The following THSD4 variants were observed in gnomAD, a reference collection of about 807,000 sequenced individuals.
The protein encoded by THSD4 is thrombospondin type-1 domain-containing protein 4.
THSD4 carries 69 observed loss-of-function variants against 119.0 expected under a neutral mutation model. The observed-to-expected ratio is 0.58, with a 90% CI of 0.48 to 0.71. THSD4 has a LOEUF of 0.71. THSD4 is among the 30% of genes least tolerant of loss of function. The pLI is 0.00. For missense variants in THSD4, 1,393 were observed against 1,391.1 expected, an observed-to-expected ratio of 1.00 and a Z score of -0.02; for synonymous variants, 524 against 540.4, an observed-to-expected ratio of 0.97 and a Z score of 0.42.
intron 1 of THSD4, among the ~76,000 whole-genome samples, chr15:71,139,236 T>C (rs1272750524): frequency 2.6e-5 from 4 of 152,236 alleles, no homozygotes; most frequent in Admixed American, 2.6e-4. Context: ...TACCCTGTGT[T>C]GTTCTGGATA....
chr15:71,443,694 C>CGT (rs2047141430), intron 7 of THSD4, among the ~76,000 whole-genome samples: 1 of 151,932 alleles, frequency 6.6e-6, no homozygotes, highest in Non-Finnish European at 1.5e-5. Flanking sequence ...AAAATTTCCA[C>CGT]GTTGCGCTTT....
At chr15:71,533,262 G>A (rs4777404) in intron 7 of THSD4, among the ~76,000 whole-genome samples, 118,796 of 152,172 alleles carry the variant, frequency 0.78, 46,620 homozygotes, top group East Asian at 0.95. Flanking sequence ...AGATTTGCAA[G>A]TGGGAGAAAA....
chr15:71,626,066 G>T (rs910281703), intron 7 of THSD4, among the ~76,000 whole-genome samples: 1 of 152,138 alleles, frequency 6.6e-6, no homozygotes, highest in Admixed American at 6.6e-5. Context: ...TACAGTGTTT[G>T]TGAGCTTAAT....
intron 16 of THSD4, 130 bp downstream of exon 16, chr15:71,765,329 G>T (rs1367867293): frequency 8.9e-7 from 1 of 1,125,750 alleles, no homozygotes. Flanking sequence ...TACCTTAGGT[G>T]GTAGCTGCTG....
chr15:71,397,442 A>G (rs1207801407), intron 6 of THSD4, among the ~76,000 whole-genome samples: 1 of 152,200 alleles, frequency 6.6e-6, no homozygotes, highest in Non-Finnish European at 1.5e-5. Context: ...GAGTAAACGA[A>G]TCCATGAATG....
chr15:71,589,166 T>C (rs959344764), intron 7 of THSD4, among the ~76,000 whole-genome samples: 1 of 152,208 alleles, frequency 6.6e-6, no homozygotes, highest in African/African-American at 2.4e-5. Flanking sequence ...TAATGCCTTA[T>C]ACAGTGAATT....
At chr15:71,151,934 G>C (rs558808434) in intron 2 of THSD4, among the ~76,000 whole-genome samples, 23 of 152,310 alleles carry the variant, frequency 1.5e-4, no homozygotes, top group African/African-American at 5.5e-4. Flanking sequence ...GAATAGCACA[G>C]ATCTGTGTAT....
chr15:71,152,695 A>C (rs1244193552), intron 2 of THSD4, among the ~76,000 whole-genome samples: 2 of 152,096 alleles, frequency 1.3e-5, no homozygotes, highest in Admixed American at 6.5e-5. Flanking sequence ...TGTTCCTTGT[A>C]ATCTGGTGCT....
chr15:71,546,489 A>G (rs867909557), intron 7 of THSD4, among the ~76,000 whole-genome samples: 24 of 152,202 alleles, frequency 1.6e-4, no homozygotes, highest in African/African-American at 5.5e-4. Flanking sequence ...TTGATGGTCT[A>G]TGTGAGTCTA....
intron 3 of THSD4, among the ~76,000 whole-genome samples, chr15:71,209,348 G>A (rs2043870674): frequency 6.6e-6 from 1 of 152,078 alleles, no homozygotes. Context: ...TAGACCACAC[G>A]GACACTCTGA....
intron 6 of THSD4, among the ~76,000 whole-genome samples, chr15:71,337,866 A>G (rs752321663): frequency 1.2e-4 from 19 of 152,092 alleles, no homozygotes; most frequent in Non-Finnish European, 8.8e-5. Context: ...CGAAGGTCAA[A>G]TGGGGCTCTC....
rs551240509 is a variant in THSD4, at chr15:71,440,664, A to T, written c.1152+28841A>T. Reference sequence around the variant, plus strand: ...TGATGACTTTTTCTTGAACTGGTTGATCGTGACATCTAGTGTTCAGTACTA... The same window carrying T: ...TGATGACTTTTTCTTGAACTGGTTGTTCGTGACATCTAGTGTTCAGTACTA... On this transcript the variant is annotated intron_variant, in intron 7 of 17. Transcript: ENST00000261862. 7.2e-5 allele frequency among the ~76,000 whole-genome samples: 11 copies of T among 152,300 alleles called. 1 individual carries two copies. Among genetic ancestry groups the T allele is most frequent in the Admixed American group, 7.2e-4 (11 of 15,300 alleles).
At chr15:71,729,043 C>T (rs1476976618) in intron 9 of THSD4, 2 of 356,582 alleles carry the variant, frequency 5.6e-6, no homozygotes, top group African/African-American at 4.1e-5. Flanking sequence ...GGATCTCCTC[C>T]AGGCACTTTC....
chr15:71,277,611 T>A (rs1337652448), intron 6 of THSD4, among the ~76,000 whole-genome samples: 1 of 152,184 alleles, frequency 6.6e-6, no homozygotes, highest in Admixed American at 6.5e-5. Flanking sequence ...ATTGAGTATA[T>A]GTAGGGATAT....
intron 6 of THSD4, among the ~76,000 whole-genome samples, chr15:71,336,068 A>C (rs2045486399): frequency 6.6e-6 from 1 of 152,242 alleles, no homozygotes; most frequent in South Asian, 2.1e-4. Context: ...GCAATCCATT[A>C]GGAAGAGGAA....
intron 7 of THSD4, among the ~76,000 whole-genome samples, chr15:71,541,038 T>A (rs1240538070): frequency 6.6e-6 from 1 of 152,190 alleles, no homozygotes; most frequent in African/African-American, 2.4e-5. Context: ...TTATTTACTT[T>A]TTGAATAGCA....
At chr15:71,211,765 G>A (rs1286768732) in intron 3 of THSD4, among the ~76,000 whole-genome samples, 2 of 152,284 alleles carry the variant, frequency 1.3e-5, no homozygotes, top group African/African-American at 4.8e-5. Flanking sequence ...AGTTTAGGGT[G>A]CATTTTAGAA....
chr15:71,725,096 T>C (rs191599351), intron 8 of THSD4, among the ~76,000 whole-genome samples: 101 of 6,776 alleles, frequency 0.015, 18 homozygotes, highest in Non-Finnish European at 0.032. Flanking sequence ...GAGGCCGGGG[T>C]TGGGTTCAGC....
At chr15:71,241,999 T>C (rs913817488) in intron 4 of THSD4, among the ~76,000 whole-genome samples, 7 of 152,202 alleles carry the variant, frequency 4.6e-5, no homozygotes, top group Non-Finnish European at 8.8e-5. Context: ...AAGATGGCCA[T>C]TTACCCATTG....
Sources: allele counts gnomAD v4.1 joint callset (sites outside exome capture counted in the v4.1 genomes callset), GRCh38; gene constraint gnomAD v4.1.1; transcripts MANE v1.5; gene names NCBI Gene and HGNC (gene_info 2026-07-23, HGNC 2026-07-21).